The following SDK2 variants were observed in gnomAD, a reference collection of about 807,000 sequenced individuals.
The protein encoded by SDK2 is protein sidekick-2.
Under a neutral mutation model 253.9 loss-of-function variants are expected in SDK2, and 105 were observed. That is an observed-to-expected ratio of 0.41 (90% CI 0.35 to 0.49). The LOEUF is 0.49. Ranked by LOEUF, SDK2 falls within the 20% of genes least tolerant of loss-of-function variation. SDK2 has a pLI of 0.06. For missense variants in SDK2, 2,608 were observed against 3,003.0 expected, an observed-to-expected ratio of 0.87 and a Z score of 3.07; for synonymous variants, 1,249 against 1,234.9, an observed-to-expected ratio of 1.01 and a Z score of -0.24.
intron 41 of SDK2, among the ~76,000 whole-genome samples, chr17:73,351,097 T>C (rs1371840860): frequency 7.3e-6 from 1 of 137,478 alleles, no homozygotes; most frequent in African/African-American, 2.8e-5. Context: ...GGCAGTGTGT[T>C]AGCTACTTTT....
chr17:73,599,970 T>C (rs2045814038), intron 1 of SDK2, among the ~76,000 whole-genome samples: 1 of 152,246 alleles, frequency 6.6e-6, no homozygotes. Flanking sequence ...GCTGTTGTGA[T>C]TAATACGCTA....
At chr17:73,418,553 G>A (rs1420242519) in intron 16 of SDK2, among the ~76,000 whole-genome samples, 2 of 152,158 alleles carry the variant, frequency 1.3e-5, no homozygotes, top group African/African-American at 2.4e-5. Flanking sequence ...TGAGACACAC[G>A]AAGTTGCATA....
chr17:73,343,767 G>C (rs924481347), intron 44 of SDK2, among the ~76,000 whole-genome samples: 8 of 152,190 alleles, frequency 5.3e-5, no homozygotes, highest in African/African-American at 1.9e-4. Flanking sequence ...TTCATCTCCA[G>C]CCCAAAGGAT....
chr17:73,461,992 G>T (rs1218752596), intron 3 of SDK2, among the ~76,000 whole-genome samples: 2 of 146,928 alleles, frequency 1.4e-5, no homozygotes, highest in South Asian at 2.1e-4. Context: ...GTATGCATGT[G>T]TCATGGGATA....
intron 5 of SDK2, among the ~76,000 whole-genome samples, chr17:73,441,534 G>A (rs922409155): frequency 6.6e-6 from 1 of 152,204 alleles, no homozygotes; most frequent in Admixed American, 6.5e-5. Flanking sequence ...TGCACAGCCT[G>A]GAAGACTCTG....
intron 12 of SDK2, among the ~76,000 whole-genome samples, chr17:73,429,521 G>T (rs138052619): frequency 6.6e-6 from 1 of 152,186 alleles, no homozygotes; most frequent in Non-Finnish European, 1.5e-5. Context: ...AGTCTCATTT[G>T]GGGGTGGCTG....
At chr17:73,507,688 G>C (rs1273309320) in intron 1 of SDK2, 91 bp from the exon 2 acceptor site, 2 of 1,356,310 alleles carry the variant, frequency 1.5e-6, no homozygotes, top group African/African-American at 2.9e-5. Flanking sequence ...TAGGCAGATG[G>C]AGCAGGTGCA....
At chr17:73,355,174 A>ATTTTTTTTTTTTTTTTTTT (rs770032791) in intron 40 of SDK2, among the ~76,000 whole-genome samples, 1 of 47,240 alleles carries the variant, frequency 2.1e-5, no homozygotes, top group Non-Finnish European at 3.4e-5. Context: ...ATATATATAT[A>ATTTTTTTTTTTTTTTTTTT]TTTTTTTTTT....
intron 2 of SDK2, among the ~76,000 whole-genome samples, chr17:73,502,790 G>A (rs1256634864): frequency 1.3e-5 from 2 of 152,172 alleles, no homozygotes; most frequent in African/African-American, 4.8e-5. Flanking sequence ...GTGGGAAGGA[G>A]ATTATTCACA....
chr17:73,471,804 G>A (rs2063653037), intron 3 of SDK2, among the ~76,000 whole-genome samples: 1 of 152,150 alleles, frequency 6.6e-6, no homozygotes, highest in Admixed American at 6.5e-5. Flanking sequence ...ACACAGACAA[G>A]GCCACCCTTG....
At chr17:73,641,361 C>A (rs1162727087) in intron 1 of SDK2, among the ~76,000 whole-genome samples, 1 of 152,206 alleles carries the variant, frequency 6.6e-6, no homozygotes, top group Non-Finnish European at 1.5e-5. Flanking sequence ...AACTGAGGCT[C>A]TTAGTGGCTA....
intron 1 of SDK2, among the ~76,000 whole-genome samples, chr17:73,524,315 G>A (rs1046989984): frequency 2.0e-5 from 3 of 152,198 alleles, no homozygotes; most frequent in Non-Finnish European, 4.4e-5. Flanking sequence ...CCCAGAGGCT[G>A]GAGCTTTCTG....
chr17:73,411,173 T>G (rs73999043), intron 18 of SDK2, among the ~76,000 whole-genome samples: 7,182 of 152,248 alleles, frequency 0.047, 561 homozygotes, highest in African/African-American at 0.16. Context: ...TTGGGTTCAC[T>G]GCCTTCCTGG....
intron 24 of SDK2, among the ~76,000 whole-genome samples, chr17:73,396,012 G>A (rs1015440914): frequency 3.3e-5 from 5 of 152,108 alleles, no homozygotes; most frequent in Middle Eastern, 3.4e-3. Flanking sequence ...TACCTCCTGG[G>A]CTCAAGCAAT....
At chr17:73,375,881 A>G (rs1318783306) in intron 36 of SDK2, among the ~76,000 whole-genome samples, 1 of 151,156 alleles carries the variant, frequency 6.6e-6, no homozygotes, top group African/African-American at 2.4e-5. Context: ...GAAAGAAATA[A>G]AATAAACTAA....
intron 1 of SDK2, among the ~76,000 whole-genome samples, chr17:73,590,581 G>A (rs1043278350): frequency 6.6e-6 from 1 of 152,218 alleles, no homozygotes; most frequent in African/African-American, 2.4e-5. Flanking sequence ...CACACCCTGA[G>A]AATGACCCTG....
intron 1 of SDK2, among the ~76,000 whole-genome samples, chr17:73,619,094 G>A (rs2046096177): frequency 6.6e-6 from 1 of 151,080 alleles, no homozygotes. Flanking sequence ...TTGAACCCGG[G>A]AAGTGGAGGT....
At chr17:73,615,716 C>T (rs891621403) in intron 1 of SDK2, among the ~76,000 whole-genome samples, 6 of 152,194 alleles carry the variant, frequency 3.9e-5, no homozygotes, top group Non-Finnish European at 8.8e-5. Context: ...GATGCACAAG[C>T]TGGTCCGACA....
At chr17:73,405,455 C>A (rs868735406) in intron 18 of SDK2, among the ~76,000 whole-genome samples, 3,126 of 49,006 alleles carry the variant, frequency 0.064, 177 homozygotes, top group East Asian at 0.11. Context: ...AAAAAAAAAA[C>A]AAACAAAAAA....
Sources: allele counts gnomAD v4.1 joint callset (sites outside exome capture counted in the v4.1 genomes callset), GRCh38; gene constraint gnomAD v4.1.1; transcripts MANE v1.5; gene names NCBI Gene and HGNC (gene_info 2026-07-23, HGNC 2026-07-21).